The following CCDC77 variants were observed in gnomAD, a reference collection of about 807,000 sequenced individuals.
The protein encoded by CCDC77 is coiled-coil domain containing 77, also known as coiled-coil domain-containing protein 77.
A neutral mutation model predicts 66.8 loss-of-function variants in CCDC77; 56 were observed. That is an observed-to-expected ratio of 0.84 (90% confidence interval 0.68 to 1.05). The LOEUF is 1.05. CCDC77 is among the 50% of genes least tolerant of loss of function. The probability of loss-of-function intolerance (pLI) is 0.00; values close to 1 mark genes in which losing one functional copy is unlikely to be tolerated. For synonymous variants in CCDC77, 196 were observed against 195.2 expected, an observed-to-expected ratio of 1.00 and a Z score of -0.03; for missense variants, 570 against 576.8, an observed-to-expected ratio of 0.99 and a Z score of 0.12.
rs200810250 is a variant in CCDC77, at chr12:436,903, G to C, written c.822-1432G>C. The C allele has an allele frequency of 1.9e-4, 46 of 248,598 alleles. No individual in the cohort carries two copies. In the East Asian group the frequency reaches 6.3e-3, roughly 34 times the overall value. The allele number at this position is 248,598 out of a possible 1,614,324, so 15.4% of individuals were successfully genotyped here. ...GTTTGAGATTGAGAAGATAATGTAAGACAGAATAAAATAACTCATTGAAAG... is the reference window on the plus strand; with the variant it reads ...GTTTGAGATTGAGAAGATAATGTAACACAGAATAAAATAACTCATTGAAAG... On this transcript the variant is annotated intron_variant, in intron 9 of 12. Transcript: ENST00000239830.
chr12:416,334 GGTGTGTGGGGGTGTGTGT>G (rs1310215322), intron 4 of CCDC77, among the ~76,000 whole-genome samples: 2,765 of 50,160 alleles, frequency 0.055, 361 homozygotes, highest in Non-Finnish European at 0.071. Flanking sequence ...TGAGTCTGTG[GGTGTGTGGGGGTGTGTGT>G]GTGTGTGTGT....
intron 1 of CCDC77, among the ~76,000 whole-genome samples, chr12:402,389 G>GA (rs1444965130): frequency 6.6e-6 from 1 of 152,174 alleles, no homozygotes; most frequent in Non-Finnish European, 1.5e-5. Context: ...AATCATTTTG[G>GA]ATGGGGAGAC....
chr12:389,405 C>G, exon 1 of CCDC77: 1 of 527,556 alleles, frequency 1.9e-6, no homozygotes. Flanking sequence ...TTCTTCTCTT[C>G]CCCGGCAGCA....
chr12:390,179 T>C (rs1490995531), intron 1 of CCDC77: 1 of 150,796 alleles, frequency 6.6e-6, no homozygotes, highest in African/African-American at 2.4e-5. Context: ...TGCTCTCACT[T>C]CCCATGTATA....
intron 4 of CCDC77, among the ~76,000 whole-genome samples, chr12:412,275 T>A (rs894498752): frequency 1.3e-5 from 2 of 152,178 alleles, no homozygotes; most frequent in African/African-American, 2.4e-5. Context: ...ACTTTTCAGT[T>A]TTCTGAGTGC....
Position 440,956 on chromosome 12 carries a change from T to C in CCDC77, c.1280T>C (p.Leu427Pro). ...VEGFKTDIKV[L>P]RQKLKDLEQM... The stretch of plus-strand genomic sequence containing the variant: ...GGCTTTAAGACAGATATTAAAGTTC[T>C]CCGACAGAAACTGAAAGACTTGGAG... Residue 427 changes from leucine to proline, a missense_variant, in exon 12 of 13, where the codon CTC becomes CCC. By Grantham distance (98) the Leu-to-Pro change is moderately conservative. Coordinates refer to ENST00000239830, the MANE Select transcript of CCDC77 (RefSeq NM_032358.4). 1.9e-6 allele frequency: 3 copies of C among 1,613,146 alleles called. No individual in the cohort carries two copies. The highest frequency in any genetic ancestry group is 1.7e-5 in the Admixed American group (1 of 60,018).
chr12:393,654 C>T (rs1283445137), intron 1 of CCDC77, among the ~76,000 whole-genome samples: 1 of 152,094 alleles, frequency 6.6e-6, no homozygotes, highest in Non-Finnish European at 1.5e-5. Context: ...GCCTCAGCCT[C>T]CTGAGTAGCT....
chr12:439,519 CAA>C (rs371144805), intron 10 of CCDC77, among the ~76,000 whole-genome samples: 1 of 138,050 alleles, frequency 7.2e-6, no homozygotes. Flanking sequence ...GACTCCATCT[CAA>C]AAAAAAAAAA....
intron 2 of CCDC77, among the ~76,000 whole-genome samples, chr12:407,131 C>A (rs1247603958): frequency 6.6e-6 from 1 of 152,128 alleles, no homozygotes; most frequent in Admixed American, 6.6e-5. Context: ...CAAAGCAAGA[C>A]CCTGTATCTA....
chr12:438,202 C>G, intron 9 of CCDC77, 133 bp from the exon 10 acceptor site: 1 of 640,522 alleles, frequency 1.6e-6, no homozygotes, highest in East Asian at 2.8e-5. Flanking sequence ...GATTTTTAAA[C>G]CTGCTAATAT....
chr12:434,040 C>T (rs11062959), intron 9 of CCDC77, among the ~76,000 whole-genome samples: 8,621 of 152,156 alleles, frequency 0.057, 696 homozygotes, highest in African/African-American at 0.18. Flanking sequence ...TGTGTCTACA[C>T]ACACGCAGGA....
intron 1 of CCDC77, chr12:389,928 C>G (rs1944723683): frequency 6.6e-6 from 1 of 152,286 alleles, no homozygotes; most frequent in Admixed American, 6.5e-5. Flanking sequence ...ATCCTGCCAG[C>G]TGGCTTTAGC....
intron 4 of CCDC77, among the ~76,000 whole-genome samples, chr12:416,818 G>A (rs1343880595): frequency 2.6e-5 from 4 of 152,032 alleles, no homozygotes; most frequent in African/African-American, 9.7e-5. Flanking sequence ...TAGAAATAGA[G>A]CAGGATTTGT....
chr12:408,711 C>T (rs1945045798), intron 2 of CCDC77, among the ~76,000 whole-genome samples: 1 of 152,140 alleles, frequency 6.6e-6, no homozygotes, highest in Admixed American at 6.5e-5. Flanking sequence ...TGCATCTTCT[C>T]CTCCTATCCT....
intron 5 of CCDC77, among the ~76,000 whole-genome samples, chr12:423,490 T>TTG: frequency 7.3e-5 from 2 of 27,366 alleles, no homozygotes; most frequent in African/African-American, 1.7e-4. Context: ...TTTTTTTTTG[T>TTG]TTTGTTTTTT....
chr12:409,613 C>A lies in CCDC77; in HGVS notation c.38+192C>A, dbSNP rs1217314685. The stretch of plus-strand genomic sequence containing the variant: ...CTCATTGCAGCCTTGACCTCCTGCA[C>A]TCAAGCAATCCTCCCACCTCAGCCT... On this transcript the variant is annotated intron_variant, in intron 3 of 12. Transcript: ENST00000239830. 1.0e-5 allele frequency: 6 copies of A among 589,946 alleles called. No homozygotes were observed. The Admixed American group carries it at 1.2e-4, about 12-fold the overall frequency. 36.5% of individuals were successfully genotyped at this position (589,946 alleles called of 1,614,324 possible).
intron 5 of CCDC77, chr12:418,916 C>A: frequency 6.1e-6 from 2 of 328,674 alleles, no homozygotes; most frequent in East Asian, 6.2e-5. Context: ...CCACGCTGGT[C>A]TCGAACTCTT....
Position 438,455 on chromosome 12 carries a change from T to A in CCDC77, c.942T>A (p.Ile314=), listed in dbSNP as rs767998140. ...MLEKDNLMSK[I]KQYRVQCKKK... ...AAAAAGATAATTTGATGTCAAAGAT[T>A]AAGCAATATAGGGTGCAGTGTAAGA... The change falls in exon 10 of 13, where the codon ATT becomes ATA. Residue 314 remains isoleucine (I), a synonymous_variant. Coordinates refer to ENST00000239830, the MANE Select transcript of CCDC77 (RefSeq NM_032358.4). 3 of 1,614,012 alleles carry A rather than the reference T, an allele frequency of 1.9e-6. No individual in the cohort carries two copies. In the Admixed American group the frequency reaches 5.0e-5, roughly 27 times the overall value.
intron 2 of CCDC77, among the ~76,000 whole-genome samples, chr12:406,402 G>A (rs1944991573): frequency 6.6e-6 from 1 of 152,188 alleles, no homozygotes; most frequent in Non-Finnish European, 1.5e-5. Flanking sequence ...AAGTAGAAGT[G>A]TGCCTGGCAC....
Sources: allele counts gnomAD v4.1 joint callset (sites outside exome capture counted in the v4.1 genomes callset), GRCh38; gene constraint gnomAD v4.1.1; transcripts MANE v1.5; gene names NCBI Gene and HGNC (gene_info 2026-07-23, HGNC 2026-07-21).